MCPH1: variants seen among roughly 807,000 people sequenced by gnomAD.
MCPH1 encodes the protein microcephalin 1.
In MCPH1, 104 loss-of-function variants were observed where a neutral mutation model predicts 84.5. The ratio of observed to expected loss-of-function variants is 1.23; its 90% CI spans 1.05 to 1.45. MCPH1 has a LOEUF of 1.45. MCPH1 is among the 40% of genes most tolerant of loss of function. The pLI, the probability that MCPH1 is intolerant of heterozygous loss-of-function variation, is 0.00. For missense variants in MCPH1, 1,498 were observed against 1,005.7 expected, an observed-to-expected ratio of 1.49 and a Z score of -6.62; for synonymous variants, 514 against 366.8, an observed-to-expected ratio of 1.40 and a Z score of -4.58.
At chr8:6,494,491 A>T (rs1811019365) in intron 11 of MCPH1, 1 of 152,224 alleles carries the variant, frequency 6.6e-6, no homozygotes, top group Non-Finnish European at 1.5e-5. Context: ...CTGTAAAAGA[A>T]TGGAAAGATC....
intron 13 of MCPH1, among the ~76,000 whole-genome samples, chr8:6,633,084 T>C (rs1797286459): frequency 6.6e-6 from 1 of 151,698 alleles, no homozygotes. Flanking sequence ...ATGGAGGTTA[T>C]CTATAAAAAA....
At position 6,470,401 on chromosome 8, in the gene MCPH1, A is replaced by G. The variant is rs145897245; in HGVS notation, c.1936-7193A>G. 8.7e-3 allele frequency among the ~76,000 whole-genome samples: 1,322 copies of G among 152,174 alleles called. 24 individuals carry two copies. The highest frequency in any genetic ancestry group is 0.03 in the African/African-American group (1,228 of 41,504). The stretch of plus-strand genomic sequence containing the variant: ...CGGGTTCAAGCGATTCTCCTACCTC[A>G]GCCTCCTGAGTAGCTGGGATTACAG... On this transcript the variant is annotated intron_variant, in intron 9 of 13. Transcript: ENST00000344683.
intron 12 of MCPH1, among the ~76,000 whole-genome samples, chr8:6,605,438 A>T (rs1342035470): frequency 2.6e-5 from 4 of 152,148 alleles, no homozygotes; most frequent in Non-Finnish European, 5.9e-5. Context: ...ATGCGATGGG[A>T]GTTTGCATTT....
At chr8:6,555,790 C>T (rs538164019) in intron 12 of MCPH1, among the ~76,000 whole-genome samples, 12 of 152,264 alleles carry the variant, frequency 7.9e-5, no homozygotes, top group African/African-American at 1.9e-4. Context: ...GTCTTCTGAA[C>T]GATTAAATAG....
At chr8:6,544,358 CT>C (rs1419983058) in intron 12 of MCPH1, among the ~76,000 whole-genome samples, 17 of 152,186 alleles carry the variant, frequency 1.1e-4, no homozygotes, top group Admixed American at 3.3e-4. Flanking sequence ...TTTGACTGTG[CT>C]GGAAAGAGAG....
intron 8 of MCPH1, chr8:6,445,791 T>C: frequency 1.6e-6 from 2 of 1,286,820 alleles, no homozygotes; most frequent in Admixed American, 7.4e-5. Context: ...GACTTTTCCT[T>C]CTTATAGGTC....
chr8:6,435,845 C>T (rs1802566919), intron 4 of MCPH1, among the ~76,000 whole-genome samples: 1 of 152,156 alleles, frequency 6.6e-6, no homozygotes, highest in Non-Finnish European at 1.5e-5. Flanking sequence ...GCCTTTTATA[C>T]AGTCTTTTAA....
intron 12 of MCPH1, among the ~76,000 whole-genome samples, chr8:6,591,032 G>A (rs923753171): frequency 6.6e-6 from 1 of 152,232 alleles, no homozygotes; most frequent in African/African-American, 2.4e-5. Context: ...CCGAGTAGCT[G>A]GGATTGCAAG....
At chr8:6,573,085 A>G (rs963055158) in intron 12 of MCPH1, among the ~76,000 whole-genome samples, 1 of 152,270 alleles carries the variant, frequency 6.6e-6, no homozygotes, top group Non-Finnish European at 1.5e-5. Context: ...TAAATTAACA[A>G]TAATTGAGCC....
chr8:6,473,822 A>T (rs1471582873), intron 9 of MCPH1: 7 of 1,296,584 alleles, frequency 5.4e-6, no homozygotes, highest in African/African-American at 3.0e-5. Flanking sequence ...GAGTGATTGT[A>T]AAGTAGCTAG....
intron 12 of MCPH1, among the ~76,000 whole-genome samples, chr8:6,591,779 T>C (rs1183693672): frequency 2.6e-5 from 4 of 152,222 alleles, no homozygotes; most frequent in Admixed American, 2.6e-4. Context: ...CAGGGACAAC[T>C]TCGTCTAACC....
chr8:6,639,755 G>C (rs140220893), intron 13 of MCPH1, among the ~76,000 whole-genome samples: 98 of 151,862 alleles, frequency 6.5e-4, no homozygotes, highest in African/African-American at 2.3e-3. Flanking sequence ...ATTGGAGAAT[G>C]ACATGCTTTT....
chr8:6,556,346 A>G (rs2922890), intron 12 of MCPH1, among the ~76,000 whole-genome samples: 20,010 of 152,066 alleles, frequency 0.13, 3,611 homozygotes, highest in African/African-American at 0.41. Context: ...TGCAGTATCT[A>G]TATATTACTT....
At chr8:6,460,086 C>T (rs1249853165) in intron 9 of MCPH1, among the ~76,000 whole-genome samples, 1 of 151,632 alleles carries the variant, frequency 6.6e-6, no homozygotes, top group African/African-American at 2.4e-5. Context: ...AGTCACAGGC[C>T]GTCCTGTCTT....
chr8:6,532,181 A>G (rs1819648153), intron 12 of MCPH1: 5 of 903,062 alleles, frequency 5.5e-6, no homozygotes, highest in Middle Eastern at 3.2e-4. Flanking sequence ...ATAAGCAGCC[A>G]TACATCCTTA....
chr8:6,592,701 C>G (rs1433521188), intron 12 of MCPH1, among the ~76,000 whole-genome samples: 1 of 142,004 alleles, frequency 7.0e-6, no homozygotes, highest in Non-Finnish European at 1.5e-5. Context: ...GTCACCCAGG[C>G]TGAAGTGCAG....
intron 12 of MCPH1, among the ~76,000 whole-genome samples, chr8:6,579,735 G>C (rs1228585691): frequency 6.6e-6 from 1 of 152,198 alleles, no homozygotes; most frequent in Non-Finnish European, 1.5e-5. Flanking sequence ...GACACCAACA[G>C]CTCTTTACAG....
At chr8:6,604,757 G>A (rs867435185) in intron 12 of MCPH1, among the ~76,000 whole-genome samples, 2 of 152,286 alleles carry the variant, frequency 1.3e-5, no homozygotes, top group Middle Eastern at 3.4e-3. Flanking sequence ...TGCCTGCCTC[G>A]GCCTCCCAAA....
intron 12 of MCPH1, among the ~76,000 whole-genome samples, chr8:6,534,096 C>G (rs1427337661): frequency 2.0e-5 from 3 of 152,144 alleles, no homozygotes; most frequent in African/African-American, 7.2e-5. Context: ...GGCAGTCGTT[C>G]TCCCGTGGAT....
Sources: gnomAD v4.1 joint callset for allele counts (sites outside exome capture counted in the v4.1 genomes callset) on GRCh38, gnomAD v4.1.1 for gene constraint, MANE v1.5 for transcripts, NCBI Gene and HGNC (gene_info 2026-07-23, HGNC 2026-07-21) for gene names.